SUCLG2: variants seen among roughly 807,000 people sequenced by gnomAD.
The protein encoded by SUCLG2 is succinate-CoA ligase GDP-forming subunit beta, also known as succinate--CoA ligase [GDP-forming] subunit beta, mitochondrial.
Under a neutral mutation model 47.9 loss-of-function variants are expected in SUCLG2, and 42 were observed. The observed-to-expected ratio is 0.88, with a 90% CI of 0.69 to 1.14. The LOEUF (loss-of-function observed/expected upper bound fraction) is 1.14. Among genes scored for constraint, SUCLG2 ranks in the 50% most tolerant of loss-of-function variants. SUCLG2 has a pLI of 0.00. For synonymous variants in SUCLG2, 195 were observed against 197.3 expected (o/e 0.99, Z 0.10); for missense variants, 571 against 525.9 (o/e 1.09, Z -0.84).
chr3:67,577,839 C>T (rs1290399966), intron 2 of SUCLG2, among the ~76,000 whole-genome samples: 1 of 152,194 alleles, frequency 6.6e-6, no homozygotes, highest in Non-Finnish European at 1.5e-5. Flanking sequence ...CTTTCTCATT[C>T]AATTTTACTG....
At chr3:67,649,528 T>A (rs1046715982) in intron 1 of SUCLG2, among the ~76,000 whole-genome samples, 30 of 146,828 alleles carry the variant, frequency 2.0e-4, no homozygotes, top group African/African-American at 7.6e-4. Flanking sequence ...AAAGTGCCAT[T>A]GTCCCTCAAC....
intron 1 of SUCLG2, among the ~76,000 whole-genome samples, chr3:67,612,731 G>A (rs1700553519): frequency 6.6e-6 from 1 of 152,124 alleles, no homozygotes; most frequent in African/African-American, 2.4e-5. Flanking sequence ...ACTACCTAGA[G>A]TTAGCACCAG....
chr3:67,592,729 AAAAAAAACAAC>A (rs1281396571), intron 2 of SUCLG2, among the ~76,000 whole-genome samples: 3 of 124,310 alleles, frequency 2.4e-5, no homozygotes, highest in Admixed American at 7.4e-5. Flanking sequence ...AAAAAAAAAA[AAAAAAAACAAC>A]AAAAAAAAAC....
At chr3:67,366,118 C>T (rs1277729313) in intron 10 of SUCLG2, among the ~76,000 whole-genome samples, 1 of 152,114 alleles carries the variant, frequency 6.6e-6, no homozygotes, top group East Asian at 1.9e-4. Flanking sequence ...GTATGATCAT[C>T]ATCTATGGGA....
At chr3:67,569,653 G>C in intron 2 of SUCLG2, among the ~76,000 whole-genome samples, 1 of 152,186 alleles carries the variant, frequency 6.6e-6, no homozygotes, top group Admixed American at 6.5e-5. Flanking sequence ...AATGTTTATT[G>C]TATGCCTGTT....
chr3:67,421,118 G>A (rs966546834), intron 9 of SUCLG2, among the ~76,000 whole-genome samples: 2 of 152,122 alleles, frequency 1.3e-5, no homozygotes, highest in Admixed American at 6.5e-5. Context: ...TAGTCCTACA[G>A]CTGCTTAATG....
intron 9 of SUCLG2, among the ~76,000 whole-genome samples, chr3:67,431,062 A>G (rs1182909150): frequency 1.3e-5 from 2 of 152,194 alleles, no homozygotes; most frequent in Admixed American, 6.5e-5. Context: ...AAACTATTCC[A>G]ATCAATAGAA....
At chr3:67,490,411 C>T (rs1705176090) in intron 9 of SUCLG2, among the ~76,000 whole-genome samples, 8 of 152,136 alleles carry the variant, frequency 5.3e-5, no homozygotes, top group Admixed American at 5.2e-4. Flanking sequence ...CCATAGAGCA[C>T]AAAAAGAGCT....
chr3:67,601,794 C>T (rs1156622076), intron 2 of SUCLG2, among the ~76,000 whole-genome samples: 5 of 151,968 alleles, frequency 3.3e-5, no homozygotes, highest in African/African-American at 1.2e-4. Context: ...CCATCCTGGC[C>T]AACATGGCGA....
At chr3:67,644,349 G>A (rs78490449) in intron 1 of SUCLG2, among the ~76,000 whole-genome samples, 1,553 of 152,268 alleles carry the variant, frequency 0.01, 32 homozygotes, top group African/African-American at 0.035. Context: ...GAACTTTGAA[G>A]ACATTATGCT....
At chr3:67,632,610 C>A (rs571093053) in intron 1 of SUCLG2, among the ~76,000 whole-genome samples, 1 of 152,180 alleles carries the variant, frequency 6.6e-6, no homozygotes, top group East Asian at 1.9e-4. Flanking sequence ...TGAGCCCTGG[C>A]CCCACTATGA....
At chr3:67,401,312 T>G (rs1702679088) in intron 9 of SUCLG2, among the ~76,000 whole-genome samples, 1 of 152,132 alleles carries the variant, frequency 6.6e-6, no homozygotes, top group Non-Finnish European at 1.5e-5. Context: ...GTAAAAAAGA[T>G]TCAAATGTTT....
intron 9 of SUCLG2, among the ~76,000 whole-genome samples, chr3:67,469,691 T>A (rs1191981262): frequency 2.0e-5 from 3 of 151,736 alleles, no homozygotes; most frequent in Non-Finnish European, 2.9e-5. Context: ...ACTGTACCAC[T>A]GCACTCCAGC....
intron 2 of SUCLG2, among the ~76,000 whole-genome samples, chr3:67,596,477 T>G (rs1180106096): frequency 6.6e-6 from 1 of 152,206 alleles, no homozygotes; most frequent in Non-Finnish European, 1.5e-5. Context: ...AAGTAGTTTT[T>G]GCCTCTTCCA....
intron 2 of SUCLG2, among the ~76,000 whole-genome samples, chr3:67,572,705 A>G (rs1175568817): frequency 6.6e-6 from 1 of 152,176 alleles, no homozygotes; most frequent in African/African-American, 2.4e-5. Context: ...AATATGACAA[A>G]TATCATACTT....
intron 9 of SUCLG2, among the ~76,000 whole-genome samples, chr3:67,453,047 T>C (rs1704095123): frequency 6.6e-6 from 1 of 152,184 alleles, no homozygotes; most frequent in African/African-American, 2.4e-5. Context: ...ATTATAACCC[T>C]GAAATGCATC....
rs367598144 is a variant in SUCLG2, at chr3:67,487,200, G to C, written c.1062+8598C>G. Among the ~76,000 whole-genome samples, 10 of 151,922 alleles carry C rather than the reference G, an allele frequency of 6.6e-5. 1 individual carries two copies. The highest frequency in any genetic ancestry group is 3.9e-4 in the East Asian group (2 of 5,168). On this transcript the variant is annotated intron_variant, in intron 9 of 10. Coordinates refer to ENST00000307227, the MANE Select transcript of SUCLG2 (RefSeq NM_003848.4). ...GAACTGTTTCCTTTGTGGGAGGGGT[G>C]GGGGGAATACCATTTTTGACTTGAA...
chr3:67,497,715 T>C (rs1200488697), intron 8 of SUCLG2, among the ~76,000 whole-genome samples: 1 of 152,198 alleles, frequency 6.6e-6, no homozygotes, highest in Admixed American at 6.5e-5. Context: ...AAAGTTTAAC[T>C]GAGATGTTTT....
At chr3:67,431,703 A>G (rs1478399132) in intron 9 of SUCLG2, among the ~76,000 whole-genome samples, 1 of 146,470 alleles carries the variant, frequency 6.8e-6, no homozygotes, top group East Asian at 2.2e-4. Context: ...ACACTTGGAC[A>G]CACGGTGGGG....
Sources: gnomAD v4.1 joint callset for allele counts (sites outside exome capture counted in the v4.1 genomes callset) on GRCh38, gnomAD v4.1.1 for gene constraint, MANE v1.5 for transcripts, NCBI Gene and HGNC (gene_info 2026-07-23, HGNC 2026-07-21) for gene names.